KIFAP3: variants seen among roughly 807,000 people sequenced by gnomAD.
KIFAP3 encodes kinesin associated protein 3.
A neutral mutation model predicts 106.5 loss-of-function variants in KIFAP3; 68 were observed. The ratio of observed to expected loss-of-function variants is 0.64; its 90% CI spans 0.53 to 0.78. KIFAP3 has a LOEUF of 0.78. KIFAP3 is among the 30% of genes least tolerant of loss of function. The pLI, the probability that KIFAP3 is intolerant of heterozygous loss-of-function variation, is 0.00. For missense variants in KIFAP3, 780 were observed against 941.8 expected, an observed-to-expected ratio of 0.83 and a Z score of 2.25; for synonymous variants, 320 against 311.5, an observed-to-expected ratio of 1.03 and a Z score of -0.29.
Position 169,921,491 on chromosome 1 carries a change from G to GT in KIFAP3, c.*184dup. The GT allele has an allele frequency of 2.0e-6, 1 of 495,814 alleles. No individual in the cohort carries two copies. Among genetic ancestry groups the GT allele is most frequent in the East Asian group, 3.3e-5 (1 of 30,146 alleles). The allele number at this position is 495,814 out of a possible 1,614,324, so 30.7% of individuals were successfully genotyped here. ...GTGGTTTGATGAGTGAACAATGTCAGTATCAACTGTACTTAACAGAAGACA... is the reference window on the plus strand; with the variant it reads ...GTGGTTTGATGAGTGAACAATGTCAGTTATCAACTGTACTTAACAGAAGACA... On this transcript the variant is annotated 3_prime_UTR_variant, in exon 20 of 20. Transcript: ENST00000361580.
At chr1:169,987,802 C>T (rs939452712) in intron 11 of KIFAP3, among the ~76,000 whole-genome samples, 3 of 152,064 alleles carry the variant, frequency 2.0e-5, no homozygotes, top group Non-Finnish European at 2.9e-5. Flanking sequence ...ATTGGCCATT[C>T]TATTACCAAT....
chr1:170,073,300 T>C (rs879562963), intron 1 of KIFAP3, among the ~76,000 whole-genome samples: 5 of 152,206 alleles, frequency 3.3e-5, no homozygotes, highest in Admixed American at 6.5e-5. Flanking sequence ...CAGTTTCAGA[T>C]ATATTTACAT....
intron 1 of KIFAP3, among the ~76,000 whole-genome samples, chr1:170,061,190 C>T (rs1175624106): frequency 7.2e-5 from 11 of 152,086 alleles, no homozygotes; most frequent in Non-Finnish European, 1.2e-4. Context: ...AGAGCTTCTG[C>T]ACAGCAAAAG....
At chr1:170,026,528 G>C (rs1669109829) in intron 8 of KIFAP3, among the ~76,000 whole-genome samples, 1 of 152,198 alleles carries the variant, frequency 6.6e-6, no homozygotes, top group Non-Finnish European at 1.5e-5. Flanking sequence ...GGCAGAACCT[G>C]ATAGAATCCC....
intron 10 of KIFAP3, among the ~76,000 whole-genome samples, chr1:170,001,991 G>C (rs1364992834): frequency 1.3e-5 from 2 of 152,078 alleles, no homozygotes; most frequent in Admixed American, 6.6e-5. Flanking sequence ...AAGGTGTTCA[G>C]AAGTTAACTT....
chr1:169,999,280 G>T (rs758565417), intron 10 of KIFAP3, among the ~76,000 whole-genome samples: 1 of 152,218 alleles, frequency 6.6e-6, no homozygotes. Flanking sequence ...TGATTTTCTC[G>T]TAAGAATTCA....
At chr1:169,954,852 A>C (rs891117098) in intron 18 of KIFAP3, among the ~76,000 whole-genome samples, 28 of 152,196 alleles carry the variant, frequency 1.8e-4, no homozygotes, top group African/African-American at 6.0e-4. Context: ...CTTTGCTTAT[A>C]AAGTGCTTCT....
chr1:170,052,063 T>C (rs1350750785), intron 2 of KIFAP3, among the ~76,000 whole-genome samples: 1 of 151,996 alleles, frequency 6.6e-6, no homozygotes, highest in Non-Finnish European at 1.5e-5. Flanking sequence ...GGAGCTGTTT[T>C]TTCAAAAAAA....
At chr1:170,024,680 C>G (rs1040189810) in intron 8 of KIFAP3, 84 bp from the exon 9 acceptor site, 95 of 758,974 alleles carry the variant, frequency 1.3e-4, no homozygotes, top group Non-Finnish European at 1.7e-4. Flanking sequence ...ACCAAGGCAA[C>G]AGAGATAGCC....
Position 170,074,625 on chromosome 1 carries a change from A to G in KIFAP3, c.-158T>C. Reference sequence around the variant, plus strand: ...AGCGGCGCTGTGGTTACCACGGTGAAGCCTCCAGCTCCTCCCACAGCTTCT... The same window carrying G: ...AGCGGCGCTGTGGTTACCACGGTGAGGCCTCCAGCTCCTCCCACAGCTTCT... On this transcript the variant is annotated 5_prime_UTR_variant, in exon 1 of 20. Coordinates refer to ENST00000361580, the MANE Select transcript of KIFAP3 (RefSeq NM_014970.4). The G allele has an allele frequency of 6.7e-7, 1 of 1,496,560 alleles. No individual in the cohort carries two copies. Among genetic ancestry groups the G allele is most frequent in the Non-Finnish European group, 8.9e-7 (1 of 1,119,694 alleles). 92.7% of individuals were successfully genotyped at this position (1,496,560 alleles called of 1,614,324 possible).
intron 12 of KIFAP3, 149 bp from the exon 13 acceptor site, chr1:169,983,531 C>T (rs1666640933): frequency 3.2e-6 from 2 of 628,092 alleles, no homozygotes; most frequent in Non-Finnish European, 5.6e-6. Flanking sequence ...GCAACCCATA[C>T]CATATATCAA....
At chr1:169,944,384 C>T (rs1208545375) in intron 19 of KIFAP3, among the ~76,000 whole-genome samples, 1 of 152,154 alleles carries the variant, frequency 6.6e-6, no homozygotes, top group Admixed American at 6.5e-5. Flanking sequence ...ACAGAGGCGC[C>T]CAGAAACCTG....
At chr1:170,075,947 TA>T (rs1557884272), upstream of KIFAP3, among the ~76,000 whole-genome samples, 1 of 152,214 alleles carries the variant, frequency 6.6e-6, no homozygotes. Flanking sequence ...TTCTGCAAAC[TA>T]ATGTAAAATT....
intron 8 of KIFAP3, among the ~76,000 whole-genome samples, chr1:170,030,133 T>A (rs141873931): frequency 1.1e-4 from 16 of 152,042 alleles, no homozygotes; most frequent in African/African-American, 3.8e-4. Context: ...TTCATAAAAA[T>A]GTAAAATTCT....
intron 1 of KIFAP3, among the ~76,000 whole-genome samples, chr1:170,060,850 A>G (rs980175838): frequency 3.3e-5 from 5 of 152,232 alleles, no homozygotes; most frequent in African/African-American, 1.2e-4. Context: ...CCTCAGAAAT[A>G]ATACCACACA....
chr1:170,013,184 G>A (rs192709590), intron 10 of KIFAP3, among the ~76,000 whole-genome samples: 1 of 152,194 alleles, frequency 6.6e-6, no homozygotes, highest in Non-Finnish European at 1.5e-5. Flanking sequence ...TTCCAGAACT[G>A]TGAGTAATAA....
At chr1:170,040,723 ATTTG>A (rs1450329872) in intron 3 of KIFAP3, among the ~76,000 whole-genome samples, 1 of 152,226 alleles carries the variant, frequency 6.6e-6, no homozygotes, top group East Asian at 1.9e-4. Flanking sequence ...CCAACAAAAT[ATTTG>A]TTTAATAAAA....
chr1:170,026,961 T>G (rs1201890518), intron 8 of KIFAP3, among the ~76,000 whole-genome samples: 1 of 151,984 alleles, frequency 6.6e-6, no homozygotes, highest in Non-Finnish European at 1.5e-5. Flanking sequence ...TCAAAGATAT[T>G]TTTAGGAATA....
At chr1:169,964,012 A>C (rs1665473503) in intron 17 of KIFAP3, among the ~76,000 whole-genome samples, 1 of 152,154 alleles carries the variant, frequency 6.6e-6, no homozygotes, top group Non-Finnish European at 1.5e-5. Flanking sequence ...CGTCAGTTAA[A>C]TCTGATACTA....
Sources: allele counts gnomAD v4.1 joint callset (sites outside exome capture counted in the v4.1 genomes callset), GRCh38; gene constraint gnomAD v4.1.1; transcripts MANE v1.5; gene names NCBI Gene and HGNC (gene_info 2026-07-23, HGNC 2026-07-21).